CAMK4: variants seen among roughly 807,000 people sequenced by gnomAD.
The protein encoded by CAMK4 is calcium/calmodulin dependent protein kinase IV.
CAMK4 carries 22 observed loss-of-function variants against 44.9 expected under a neutral mutation model. The ratio of observed to expected loss-of-function variants is 0.49; its 90% confidence interval spans 0.35 to 0.70. CAMK4 has a LOEUF of 0.70. Among genes scored for constraint, CAMK4 ranks in the 30% least tolerant of loss-of-function variants. The pLI, the probability that CAMK4 is intolerant of heterozygous loss-of-function variation, is 0.01. For synonymous variants in CAMK4, 218 were observed against 215.4 expected, an observed-to-expected ratio of 1.01 and a Z score of -0.11; for missense variants, 498 against 586.8, an observed-to-expected ratio of 0.85 and a Z score of 1.56.
At chr5:111,441,648 T>C (rs1469055077) in intron 5 of CAMK4, among the ~76,000 whole-genome samples, 1 of 152,210 alleles carries the variant, frequency 6.6e-6, no homozygotes, top group Admixed American at 6.5e-5. Flanking sequence ...TTTTCTGTTT[T>C]CTTGCATGTC....
intron 2 of CAMK4, among the ~76,000 whole-genome samples, chr5:111,353,208 G>A (rs1750187017): frequency 6.6e-6 from 1 of 151,932 alleles, no homozygotes; most frequent in African/African-American, 2.4e-5. Flanking sequence ...ATAAAAATGT[G>A]TTGCATGCAA....
intron 8 of CAMK4, among the ~76,000 whole-genome samples, chr5:111,477,995 G>C (rs115540011): frequency 6.6e-6 from 1 of 151,896 alleles, no homozygotes; most frequent in African/African-American, 2.4e-5. Flanking sequence ...CTGTCTGCCT[G>C]TCTGTCTGTC....
Position 111,360,066 on chromosome 5 carries a change from C to T in CAMK4, c.241-14784C>T, listed in dbSNP as rs1327297522. On this transcript the variant is annotated intron_variant, in intron 2 of 10. Coordinates refer to ENST00000282356, the MANE Select transcript of CAMK4 (RefSeq NM_001744.6). Reference sequence around the variant, plus strand: ...CACTTACATCTGCAAAAAAATGTATCAGTATCCTCTATTTTCTACAACAGC... The same window carrying T: ...CACTTACATCTGCAAAAAAATGTATTAGTATCCTCTATTTTCTACAACAGC... Among the ~76,000 whole-genome samples the T allele has an allele frequency of 5.9e-5, 9 of 151,998 alleles. No homozygotes were observed. The East Asian group carries it at 1.7e-3, about 29-fold the overall frequency.
chr5:111,453,427 T>G (rs1200723803), intron 7 of CAMK4, among the ~76,000 whole-genome samples: 1 of 152,202 alleles, frequency 6.6e-6, no homozygotes, highest in Non-Finnish European at 1.5e-5. Flanking sequence ...AGCCCTTTCT[T>G]CCCTCACCAC....
rs951215185 is a variant in CAMK4 at position 111,351,508 on chromosome 5, C to T, written c.240+7406C>T. On this transcript the variant is annotated intron_variant, in intron 2 of 10. Coordinates refer to ENST00000282356, the MANE Select transcript of CAMK4 (RefSeq NM_001744.6). ...GCAACCTCTGCCTCCCAGGTTCAAG[C>T]GATTCTCCTGCCTCAGCCTCCTTAG... 4.0e-5 allele frequency among the ~76,000 whole-genome samples: 6 copies of T among 151,598 alleles called. No individual in the cohort carries two copies. The East Asian group carries it at 9.7e-4, about 25-fold the overall frequency.
intron 1 of CAMK4, among the ~76,000 whole-genome samples, chr5:111,228,349 T>G (rs762401185): frequency 6.6e-6 from 1 of 152,212 alleles, no homozygotes; most frequent in African/African-American, 2.4e-5. Context: ...CAATGTAATT[T>G]TAAATAATAC....
chr5:111,443,337 CTATATATATACTA>C (rs1307920231), intron 5 of CAMK4, among the ~76,000 whole-genome samples: 9 of 115,616 alleles, frequency 7.8e-5, no homozygotes, highest in African/African-American at 2.5e-4. Context: ...ACTATATATA[CTATATATATACTA>C]TATATATAGT....
intron 5 of CAMK4, among the ~76,000 whole-genome samples, chr5:111,431,865 T>C (rs1190382629): frequency 6.6e-6 from 1 of 152,158 alleles, no homozygotes; most frequent in Non-Finnish European, 1.5e-5. Context: ...AAATAACAAA[T>C]GCTGGTGAGG....
At position 111,338,278 on chromosome 5, in the gene CAMK4, C is replaced by A. The variant is rs1478798899; in HGVS notation, c.162-5746C>A. ...AACTACTCAGTAATTTTCAAGTATA[C>A]AATACATTATTATTAACTATATTAT... is the stretch of plus-strand genomic sequence containing the variant. On this transcript the variant is annotated intron_variant, in intron 1 of 10. Transcript: ENST00000282356. Among the ~76,000 whole-genome samples, 3 of 151,090 alleles carry A rather than the reference C, an allele frequency of 2.0e-5. No individual in the cohort carries two copies. The Admixed American group carries it at 2.0e-4, about 10-fold the overall frequency.
chr5:111,420,182 G>A (rs960235006), intron 5 of CAMK4, among the ~76,000 whole-genome samples: 3 of 151,460 alleles, frequency 2.0e-5, no homozygotes, highest in Non-Finnish European at 4.4e-5. Context: ...TGGATTCCTA[G>A]GTATTTTATT....
At chr5:111,434,751 T>C (rs1227776805) in intron 5 of CAMK4, among the ~76,000 whole-genome samples, 2 of 152,238 alleles carry the variant, frequency 1.3e-5, no homozygotes, top group Non-Finnish European at 2.9e-5. Context: ...CACTTTGAAG[T>C]TCCTACTTAA....
intron 5 of CAMK4, among the ~76,000 whole-genome samples, chr5:111,423,391 T>C (rs3797746): frequency 0.35 from 53,100 of 152,150 alleles, 10,095 homozygotes; most frequent in Middle Eastern, 0.49. Flanking sequence ...CAAATACACT[T>C]TGCATTCCAG....
At chr5:111,335,934 A>G (rs767697930) in intron 1 of CAMK4, among the ~76,000 whole-genome samples, 1 of 151,360 alleles carries the variant, frequency 6.6e-6, no homozygotes, top group African/African-American at 2.4e-5. Flanking sequence ...ATGGTGGTCT[A>G]TATTTTTAAC....
chr5:111,357,073 T>C (rs546193301), intron 2 of CAMK4, among the ~76,000 whole-genome samples: 66 of 152,172 alleles, frequency 4.3e-4, no homozygotes, highest in African/African-American at 1.5e-3. Context: ...TTTAACCCCT[T>C]AGTACTTTTA....
chr5:111,472,414 C>T (rs1310751529), intron 7 of CAMK4, among the ~76,000 whole-genome samples: 1 of 152,220 alleles, frequency 6.6e-6, no homozygotes, highest in African/African-American at 2.4e-5. Context: ...AGAAAGGCCA[C>T]TCTGGACAAT....
intron 1 of CAMK4, among the ~76,000 whole-genome samples, chr5:111,322,828 A>G (rs1406629668): frequency 2.0e-5 from 3 of 152,156 alleles, no homozygotes; most frequent in East Asian, 1.9e-4. Context: ...AAAAGAGCCT[A>G]ATGGGAATTT....
chr5:111,360,704 G>C (rs536774888), intron 2 of CAMK4, among the ~76,000 whole-genome samples: 2 of 152,178 alleles, frequency 1.3e-5, no homozygotes, highest in South Asian at 4.1e-4. Flanking sequence ...GCACACCACT[G>C]TATGGAGAAA....
chr5:111,478,146 C>T (rs1409325083), intron 8 of CAMK4, among the ~76,000 whole-genome samples: 2 of 150,474 alleles, frequency 1.3e-5, no homozygotes, highest in East Asian at 3.9e-4. Context: ...ATTATTATAG[C>T]TTTTTGTAGA....
intron 1 of CAMK4, among the ~76,000 whole-genome samples, chr5:111,341,322 C>T (rs1749633877): frequency 6.6e-6 from 1 of 150,986 alleles, no homozygotes; most frequent in Non-Finnish European, 1.5e-5. Context: ...AGAAATTTTA[C>T]AGTTCCTGGT....
Sources: allele counts gnomAD v4.1 joint callset (sites outside exome capture counted in the v4.1 genomes callset), GRCh38; gene constraint gnomAD v4.1.1; transcripts MANE v1.5; gene names NCBI Gene and HGNC (gene_info 2026-07-23, HGNC 2026-07-21).